Variants in RASGRF2 observed in about 807,000 individuals in gnomAD.
The protein encoded by RASGRF2 is Ras protein specific guanine nucleotide releasing factor 2, also known as ras-specific guanine nucleotide-releasing factor 2.
A neutral mutation model predicts 151.0 loss-of-function variants in RASGRF2; 76 were observed. The ratio of observed to expected loss-of-function variants is 0.50; its 90% CI spans 0.42 to 0.61. RASGRF2 has a LOEUF of 0.61. Ranked by LOEUF, RASGRF2 falls within the 20% of genes least tolerant of loss-of-function variation. The probability of loss-of-function intolerance (pLI) is 0.00; values close to 1 mark genes in which losing one functional copy is unlikely to be tolerated. For synonymous variants in RASGRF2, 504 were observed against 566.5 expected (o/e 0.89, Z 1.57); for missense variants, 1,148 against 1,564.6 (o/e 0.73, Z 4.49).
At chr5:81,026,013 T>G (rs1750011305) in intron 1 of RASGRF2, among the ~76,000 whole-genome samples, 1 of 74,626 alleles carries the variant, frequency 1.3e-5, no homozygotes, top group African/African-American at 5.7e-5. Flanking sequence ...CTTTCTTCCT[T>G]CCCTCCTTCC....
At chr5:81,112,924 G>A (rs527543202) in intron 14 of RASGRF2, 66 bp downstream of exon 14, 750 of 1,594,734 alleles carry the variant, frequency 4.7e-4, no homozygotes, top group Non-Finnish European at 6.0e-4. Context: ...GAGTCACCAT[G>A]AGGATGAGCA....
At position 81,217,489 on chromosome 5, in the gene RASGRF2, TAA is replaced by T. The variant is rs1443626309; in HGVS notation, c.3552+17_3552+18del. 2 of 1,594,924 alleles carry T rather than the reference TAA, an allele frequency of 1.3e-6. No individual in the cohort carries two copies. The highest frequency in any genetic ancestry group is 1.7e-6 in the Non-Finnish European group (2 of 1,169,266). ...AATGAGAATGGTAGGTATAATTTCA[TAA>T]TTAGCCTGTTTCAATGGCTTTAGAG... On this transcript the variant is annotated intron_variant, in intron 25 of 26. Coordinates refer to ENST00000265080, the MANE Select transcript of RASGRF2 (RefSeq NM_006909.3).
chr5:80,987,554 T>C (rs1748511512), intron 1 of RASGRF2, among the ~76,000 whole-genome samples: 1 of 152,184 alleles, frequency 6.6e-6, no homozygotes, highest in African/African-American at 2.4e-5. Context: ...ACTCTGCTAG[T>C]TTGTTTTTGA....
At position 81,208,839 on chromosome 5, in the gene RASGRF2, C is replaced by T. The variant is rs1755570631; in HGVS notation, c.3156+401C>T. On this transcript the variant is annotated intron_variant, in intron 22 of 26. Transcript: ENST00000265080. ...GTGTTGGGATTACAGGCGTGAGCCACCGCACCTGGCCTGCCACCCACTTTT... is the reference window on the plus strand; with the variant it reads ...GTGTTGGGATTACAGGCGTGAGCCATCGCACCTGGCCTGCCACCCACTTTT... 3.3e-5 allele frequency among the ~76,000 whole-genome samples: 5 copies of T among 152,080 alleles called. No homozygotes were observed. The South Asian group carries it at 1.0e-3, about 32-fold the overall frequency.
chr5:81,091,469 G>T (rs971939163), intron 9 of RASGRF2, among the ~76,000 whole-genome samples: 2 of 151,928 alleles, frequency 1.3e-5, no homozygotes, highest in African/African-American at 2.4e-5. Context: ...TATTCTTTAG[G>T]CCCAGAATAG....
intron 17 of RASGRF2, among the ~76,000 whole-genome samples, chr5:81,179,757 T>C (rs948291125): frequency 2.6e-5 from 4 of 152,214 alleles, no homozygotes; most frequent in African/African-American, 9.7e-5. Flanking sequence ...TAAGCCAAGA[T>C]ATGGCCTAAT....
chr5:81,187,774 G>C (rs996459504), intron 18 of RASGRF2, among the ~76,000 whole-genome samples: 1 of 152,204 alleles, frequency 6.6e-6, no homozygotes, highest in African/African-American at 2.4e-5. Context: ...TCAGGGATCA[G>C]ATTTTCCCAG....
chr5:81,131,793 C>G (rs965486499), intron 17 of RASGRF2, among the ~76,000 whole-genome samples: 1 of 152,010 alleles, frequency 6.6e-6, no homozygotes, highest in Non-Finnish European at 1.5e-5. Context: ...CCAGAGAATC[C>G]ATATCCTGCC....
In RASGRF2 at chr5:81,113,625, C is replaced by A. The variant is rs140660937; in HGVS notation, c.2175C>A (p.Phe725Leu). The change falls in exon 15 of 27, where the codon TTC becomes TTA. Residue 725 changes from phenylalanine to leucine, a missense_variant. By Grantham distance (22) the Phe-to-Leu change is conservative (BLOSUM62 0). This residue lies in a region of RASGRF2 where 646 missense variants were observed against 807.4 expected (regional missense o/e 0.80). Transcript: ENST00000265080. Reference protein sequence around the residue: ...DGKSPRLCRKFSSPPPLAVSR... With the variant: ...DGKSPRLCRKLSSPPPLAVSR... ...AATCCCCACGTCTGTGTCGCAAATT[C>A]TCTTCCCCGCCACCACTGGCTGTGT... 16 of 1,610,934 alleles carry A rather than the reference C, an allele frequency of 9.9e-6. No individual in the cohort carries two copies. In the East Asian group the frequency reaches 2.7e-4, roughly 27 times the overall value.
chr5:81,204,508 T>G (rs1755463523), intron 19 of RASGRF2, among the ~76,000 whole-genome samples: 1 of 151,838 alleles, frequency 6.6e-6, no homozygotes, highest in African/African-American at 2.4e-5. Context: ...CTCACAGGGG[T>G]CACAATTAAG....
At chr5:81,029,761 C>T (rs999992048) in intron 1 of RASGRF2, among the ~76,000 whole-genome samples, 1 of 152,214 alleles carries the variant, frequency 6.6e-6, no homozygotes, top group Non-Finnish European at 1.5e-5. Flanking sequence ...AGGAATGCAG[C>T]TCCTTGCCAG....
chr5:81,211,658 G>A (rs1755633446), intron 22 of RASGRF2, among the ~76,000 whole-genome samples: 2 of 152,170 alleles, frequency 1.3e-5, no homozygotes, highest in South Asian at 4.1e-4. Flanking sequence ...TTGGTGTATG[G>A]ATATAAGATT....
At chr5:81,066,117 A>C (rs1751594127) in intron 2 of RASGRF2, among the ~76,000 whole-genome samples, 1 of 152,154 alleles carries the variant, frequency 6.6e-6, no homozygotes, top group Non-Finnish European at 1.5e-5. Flanking sequence ...GAAAGGCAGA[A>C]TTTTTATAAC....
At chr5:81,125,389 G>A (rs888870951) in intron 16 of RASGRF2, among the ~76,000 whole-genome samples, 3 of 152,200 alleles carry the variant, frequency 2.0e-5, no homozygotes, top group Admixed American at 2.0e-4. Context: ...AGCCCTTGGG[G>A]CTTTAAGGCT....
intron 17 of RASGRF2, among the ~76,000 whole-genome samples, chr5:81,129,023 C>T (rs1753546055): frequency 6.6e-6 from 1 of 152,094 alleles, no homozygotes; most frequent in Non-Finnish European, 1.5e-5. Context: ...CCTGTAATCC[C>T]AACTACTTGG....
chr5:81,061,336 T>C (rs1751424913), intron 2 of RASGRF2, among the ~76,000 whole-genome samples: 1 of 152,168 alleles, frequency 6.6e-6, no homozygotes, highest in African/African-American at 2.4e-5. Context: ...GCAAAGGATA[T>C]AACCATTTTG....
chr5:81,059,531 A>G (rs1418263926), intron 2 of RASGRF2, among the ~76,000 whole-genome samples: 1 of 151,256 alleles, frequency 6.6e-6, no homozygotes, highest in African/African-American at 2.4e-5. Flanking sequence ...TCCCTGTCTT[A>G]GGCCATTCTT....
intron 2 of RASGRF2, 53 bp from the exon 3 acceptor site, chr5:81,067,979 C>A: frequency 7.1e-7 from 1 of 1,406,544 alleles, no homozygotes; most frequent in Non-Finnish European, 9.5e-7. Flanking sequence ...CTATATGGAA[C>A]TCTATATAGT....
At chr5:81,124,046 C>G (rs1241641680) in intron 16 of RASGRF2, among the ~76,000 whole-genome samples, 2 of 152,014 alleles carry the variant, frequency 1.3e-5, no homozygotes, top group Non-Finnish European at 2.9e-5. Context: ...GTCATTATTC[C>G]CTAAACATTA....
Sources: allele counts gnomAD v4.1 joint callset (sites outside exome capture counted in the v4.1 genomes callset), GRCh38; gene constraint gnomAD v4.1.1; regional missense constraint gnomAD v4.1.1; transcripts MANE v1.5; gene names NCBI Gene and HGNC (gene_info 2026-07-23, HGNC 2026-07-21).